Variants in AKAP6 observed in about 807,000 individuals in gnomAD.
The protein encoded by AKAP6 is A-kinase anchoring protein 6.
In AKAP6, 58 loss-of-function variants were observed where a neutral mutation model predicts 188.5. The observed-to-expected ratio is 0.31, with a 90% CI of 0.25 to 0.38. AKAP6 has a LOEUF of 0.38. Ranked by LOEUF, AKAP6 falls within the 10% of genes least tolerant of loss-of-function variation. AKAP6 has a pLI of 1.00. For missense variants in AKAP6, 2,710 were observed against 2,740.0 expected, an observed-to-expected ratio of 0.99 and a Z score of 0.24; for synonymous variants, 989 against 998.6, an observed-to-expected ratio of 0.99 and a Z score of 0.18.
intron 12 of AKAP6, among the ~76,000 whole-genome samples, chr14:32,808,733 A>G (rs939382800): frequency 6.6e-6 from 1 of 152,170 alleles, no homozygotes; most frequent in Non-Finnish European, 1.5e-5. Context: ...AAAATAAACA[A>G]CGATGTGTTG....
chr14:32,462,662 CA>C (rs1891368897), intron 2 of AKAP6, among the ~76,000 whole-genome samples: 1 of 151,990 alleles, frequency 6.6e-6, no homozygotes, highest in South Asian at 2.1e-4. Flanking sequence ...GAAGAAACTG[CA>C]TCAACTAATA....
At chr14:32,703,768 A>C (rs1890703879) in intron 9 of AKAP6, among the ~76,000 whole-genome samples, 1 of 152,214 alleles carries the variant, frequency 6.6e-6, no homozygotes, top group Non-Finnish European at 1.5e-5. Flanking sequence ...TATTCCAATA[A>C]ATGCTCCTAT....
chr14:32,825,767 T>A (rs2034658161), intron 13 of AKAP6, among the ~76,000 whole-genome samples: 1 of 152,082 alleles, frequency 6.6e-6, no homozygotes, highest in Non-Finnish European at 1.5e-5. Context: ...TAATGCCACC[T>A]CCACCCCCCA....
chr14:32,670,537 T>C (rs982582468), intron 7 of AKAP6, among the ~76,000 whole-genome samples: 1 of 152,048 alleles, frequency 6.6e-6, no homozygotes, highest in Non-Finnish European at 1.5e-5. Flanking sequence ...GTAAAAAAGA[T>C]TGTGTAGTAA....
At chr14:32,595,277 A>G (rs1885646510) in intron 5 of AKAP6, among the ~76,000 whole-genome samples, 1 of 152,062 alleles carries the variant, frequency 6.6e-6, no homozygotes, top group South Asian at 2.1e-4. Flanking sequence ...CTTGGGGTCA[A>G]GTCCTGTGTA....
intron 4 of AKAP6, among the ~76,000 whole-genome samples, chr14:32,570,949 T>G (rs1884453778): frequency 6.6e-6 from 1 of 152,212 alleles, no homozygotes; most frequent in Non-Finnish European, 1.5e-5. Context: ...GCTTTCTGGA[T>G]TCAGGTACTG....
chr14:32,544,267 G>C (rs1489438558), intron 3 of AKAP6, among the ~76,000 whole-genome samples: 1 of 152,176 alleles, frequency 6.6e-6, no homozygotes, highest in Non-Finnish European at 1.5e-5. Context: ...GGCTAGGTTA[G>C]ATCAGTCTGT....
At chr14:32,557,497 T>C (rs1331429322) in intron 4 of AKAP6, among the ~76,000 whole-genome samples, 1 of 152,242 alleles carries the variant, frequency 6.6e-6, no homozygotes, top group Non-Finnish European at 1.5e-5. Context: ...CCTTTTTTAT[T>C]CACCCACAGA....
chr14:32,736,001 T>C, intron 11 of AKAP6, 119 bp downstream of exon 11: 1 of 746,154 alleles, frequency 1.3e-6, no homozygotes, highest in Non-Finnish European at 2.1e-6. Flanking sequence ...CCTAAATGTT[T>C]CCTTGAATTT....
intron 12 of AKAP6, among the ~76,000 whole-genome samples, chr14:32,780,600 A>C (rs66500175): frequency 8.7e-4 from 133 of 152,284 alleles, no homozygotes; most frequent in African/African-American, 3.2e-3. Context: ...CACACATAAC[A>C]TCTACTAAAA....
intron 13 of AKAP6, 91 bp downstream of exon 13, chr14:32,824,906 C>G (rs775346527): frequency 1.0e-6 from 1 of 956,084 alleles, no homozygotes; most frequent in Non-Finnish European, 1.5e-6. Context: ...TCAGAATGAC[C>G]AGTTACGGCA....
At chr14:32,371,367 C>A (rs1371084088) in intron 1 of AKAP6, among the ~76,000 whole-genome samples, 1 of 152,100 alleles carries the variant, frequency 6.6e-6, no homozygotes, top group Non-Finnish European at 1.5e-5. Flanking sequence ...TCACTTGAGG[C>A]CAAGAGTTCA....
At chr14:32,487,487 C>T (rs1049693489) in intron 2 of AKAP6, among the ~76,000 whole-genome samples, 1 of 152,194 alleles carries the variant, frequency 6.6e-6, no homozygotes, top group African/African-American at 2.4e-5. Flanking sequence ...GGGTTAGAAC[C>T]TGCTCCTTTA....
rs1032583521 is a variant in AKAP6, at chr14:32,545,403, C to A, written c.750C>A (p.Thr250=). 6 of 1,614,162 alleles carry A rather than the reference C, an allele frequency of 3.7e-6. No individual in the cohort carries two copies. Among genetic ancestry groups the A allele is most frequent in the South Asian group, 1.1e-5 (1 of 91,084 alleles). ...ACATGACCTCTAGCCAAGTCAAAAC[C>A]AAACCCTTTGACTCTTGGAGCTACA... ...LGDMTSSQVK[T]KPFDSWSYSE... The change falls in exon 4 of 14, where the codon ACC becomes ACA. Residue 250 remains threonine (T), a synonymous_variant. Transcript: ENST00000280979.
At chr14:32,510,460 G>GTATATATATATACATATATA (rs1566546895) in intron 2 of AKAP6, among the ~76,000 whole-genome samples, 9 of 46,940 alleles carry the variant, frequency 1.9e-4, no homozygotes, top group African/African-American at 8.0e-4. Context: ...ACATATATAT[G>GTATATATATATACATATATA]TGTATATATA....
chr14:32,718,952 G>A (rs1472063663), intron 9 of AKAP6, among the ~76,000 whole-genome samples: 1 of 152,154 alleles, frequency 6.6e-6, no homozygotes, highest in African/African-American at 2.4e-5. Context: ...ACCTCCTACA[G>A]TCCCTTGTAG....
chr14:32,566,569 C>T (rs559470268), intron 4 of AKAP6, among the ~76,000 whole-genome samples: 1 of 152,196 alleles, frequency 6.6e-6, no homozygotes, highest in African/African-American at 2.4e-5. Context: ...AATACAATTT[C>T]TGATACATAG....
chr14:32,738,801 G>A (rs1053440685), intron 11 of AKAP6, among the ~76,000 whole-genome samples: 2 of 152,026 alleles, frequency 1.3e-5, no homozygotes, highest in East Asian at 1.9e-4. Flanking sequence ...TGTAAAAGCC[G>A]GATAATAGTA....
At chr14:32,774,748 A>G (rs952892182) in intron 12 of AKAP6, among the ~76,000 whole-genome samples, 5 of 100,842 alleles carry the variant, frequency 5.0e-5, no homozygotes, top group Admixed American at 4.2e-4. Context: ...TGGAATGCAT[A>G]CATACATACA....
Sources: allele counts gnomAD v4.1 joint callset (sites outside exome capture counted in the v4.1 genomes callset), GRCh38; gene constraint gnomAD v4.1.1; transcripts MANE v1.5; gene names NCBI Gene and HGNC (gene_info 2026-07-23, HGNC 2026-07-21).